The following CDK6 variants were observed in gnomAD, a reference collection of about 807,000 sequenced individuals.
CDK6 encodes the protein cyclin-dependent kinase 6.
A neutral mutation model predicts 37.1 loss-of-function variants in CDK6; 6 were observed. The observed-to-expected ratio is 0.16, with a 90% confidence interval of 0.09 to 0.32. CDK6 has a LOEUF of 0.32. Among genes scored for constraint, CDK6 ranks in the 10% least tolerant of loss-of-function variants. CDK6 has a pLI of 1.00. For missense variants in CDK6, 224 were observed against 418.9 expected (o/e 0.53, Z 4.06); for synonymous variants, 160 against 161.3 (o/e 0.99, Z 0.06).
At chr7:92,705,515 A>C (rs1797946626) in intron 4 of CDK6, among the ~76,000 whole-genome samples, 1 of 152,182 alleles carries the variant, frequency 6.6e-6, no homozygotes, top group Non-Finnish European at 1.5e-5. Context: ...CTAAGTAGAG[A>C]GTGAAAGGTT....
intron 2 of CDK6, among the ~76,000 whole-genome samples, chr7:92,830,407 T>C (rs1473725948): frequency 2.6e-5 from 4 of 152,224 alleles, no homozygotes; most frequent in African/African-American, 7.2e-5. Flanking sequence ...GGAGGGCCTA[T>C]AATTATGATC....
intron 3 of CDK6, among the ~76,000 whole-genome samples, chr7:92,766,807 G>A (rs866587484): frequency 1.3e-5 from 2 of 152,192 alleles, no homozygotes; most frequent in African/African-American, 4.8e-5. Context: ...TGCCTAGGGT[G>A]AGGAAGCATT....
intron 3 of CDK6, among the ~76,000 whole-genome samples, chr7:92,743,648 C>T (rs1419016143): frequency 6.6e-6 from 1 of 152,050 alleles, no homozygotes; most frequent in African/African-American, 2.4e-5. Context: ...AAATTAAAAG[C>T]ACAATAAGAT....
chr7:92,617,047 G>T (rs917889451), intron 7 of CDK6, among the ~76,000 whole-genome samples: 3 of 152,174 alleles, frequency 2.0e-5, no homozygotes, highest in African/African-American at 7.2e-5. Flanking sequence ...TATAAAATGA[G>T]CTTTTGGAAT....
intron 3 of CDK6, among the ~76,000 whole-genome samples, chr7:92,751,587 A>T (rs1799189006): frequency 6.6e-6 from 1 of 152,222 alleles, no homozygotes; most frequent in Non-Finnish European, 1.5e-5. Context: ...CAGTTTTATT[A>T]ACTTTTTGCA....
At chr7:92,639,876 T>C (rs1295957884) in intron 5 of CDK6, among the ~76,000 whole-genome samples, 1 of 152,194 alleles carries the variant, frequency 6.6e-6, no homozygotes, top group Non-Finnish European at 1.5e-5. Context: ...TCAGCCCAAC[T>C]GTCATCACTT....
chr7:92,687,128 C>T (rs776902671), intron 4 of CDK6, among the ~76,000 whole-genome samples: 28 of 152,156 alleles, frequency 1.8e-4, no homozygotes, highest in Non-Finnish European at 4.1e-4. Flanking sequence ...GAAGCAGGGC[C>T]TCGTGATACC....
chr7:92,795,675 G>C (rs567467796), intron 2 of CDK6, among the ~76,000 whole-genome samples: 1 of 152,042 alleles, frequency 6.6e-6, no homozygotes, highest in Non-Finnish European at 1.5e-5. Context: ...ACATTCAGTC[G>C]TGCTATTTCT....
chr7:92,736,311 A>T (rs1189496900), intron 3 of CDK6, among the ~76,000 whole-genome samples: 1 of 152,200 alleles, frequency 6.6e-6, no homozygotes, highest in African/African-American at 2.4e-5. Context: ...AGAACTATGA[A>T]GTCCCTACTA....
chr7:92,625,562 C>CAA (rs143150566), intron 5 of CDK6, among the ~76,000 whole-genome samples: 17 of 147,774 alleles, frequency 1.2e-4, no homozygotes, highest in African/African-American at 4.0e-4. Flanking sequence ...CAAAACAAAA[C>CAA]AAAAAAAACC....
intron 3 of CDK6, among the ~76,000 whole-genome samples, chr7:92,733,380 G>A (rs2115592937): frequency 6.6e-6 from 1 of 152,266 alleles, no homozygotes; most frequent in Admixed American, 6.5e-5. Flanking sequence ...TCACTAGGAT[G>A]CCCAGCTAAT....
intron 3 of CDK6, among the ~76,000 whole-genome samples, chr7:92,735,640 A>C (rs763152011): frequency 3.9e-5 from 6 of 152,252 alleles, no homozygotes; most frequent in Non-Finnish European, 8.8e-5. Flanking sequence ...AATGCAATGC[A>C]TCTTTATATT....
At chr7:92,780,773 AAAAAAACAAAAAAAC>A (rs1799969123) in intron 2 of CDK6, among the ~76,000 whole-genome samples, 1 of 151,382 alleles carries the variant, frequency 6.6e-6, no homozygotes, top group African/African-American at 2.4e-5. Context: ...CAAAAAAAAA[AAAAAAACAAAAAAAC>A]AAAAAACAAC....
intron 5 of CDK6, among the ~76,000 whole-genome samples, chr7:92,628,772 C>T (rs1795987073): frequency 1.3e-5 from 2 of 152,072 alleles, no homozygotes; most frequent in South Asian, 2.1e-4. Context: ...ACAATATCTG[C>T]CTGCAAATAA....
intron 2 of CDK6, 125 bp from the exon 3 acceptor site, chr7:92,774,956 T>C (rs528086880): frequency 1.2e-6 from 1 of 806,318 alleles, no homozygotes; most frequent in East Asian, 2.9e-5. Context: ...TCATTTCTTG[T>C]GATCATATGT....
chr7:92,659,636 C>A lies in CDK6; in HGVS notation c.647+11790G>T, dbSNP rs201539842. 5.3e-3 allele frequency among the ~76,000 whole-genome samples: 690 copies of A among 130,998 alleles called. 6 individuals carry two copies. The East Asian group carries it at 0.085, about 16-fold the overall frequency. The allele number at this position is 130,998 out of a possible 152,430, so 85.9% of individuals were successfully genotyped here. A position where few individuals can be genotyped will look rare whatever the true frequency, so the allele number is the denominator to read the frequency against. ...CACACACACACACACACACACACAC[C>A]ACACACACACACACTTTTGAATTCA... is the stretch of plus-strand genomic sequence containing the variant. On this transcript the variant is annotated intron_variant, in intron 5 of 7. Transcript: ENST00000424848.
chr7:92,676,120 TGTTGA>T (rs1031210398), intron 4 of CDK6, among the ~76,000 whole-genome samples: 40 of 152,088 alleles, frequency 2.6e-4, no homozygotes, highest in African/African-American at 8.7e-4. Flanking sequence ...TCTTTGTTGT[TGTTGA>T]GTTTTTTTTT....
At chr7:92,724,250 A>ACCGTGCTCAAAGCTGAGGCCTAGC (rs1271945030) in intron 4 of CDK6, among the ~76,000 whole-genome samples, 1 of 152,188 alleles carries the variant, frequency 6.6e-6, no homozygotes, top group Non-Finnish European at 1.5e-5. Context: ...GGCTTGCTTG[A>ACCGTGCTCAAAGCTGAGGCCTAGC]CCGTGCTCAA....
intron 5 of CDK6, among the ~76,000 whole-genome samples, chr7:92,659,419 T>C (rs1366413428): frequency 1.3e-5 from 2 of 152,166 alleles, no homozygotes; most frequent in East Asian, 3.8e-4. Flanking sequence ...GTAAAAAAAA[T>C]ATATTATTAA....
Sources: allele counts gnomAD v4.1 joint callset (sites outside exome capture counted in the v4.1 genomes callset), GRCh38; gene constraint gnomAD v4.1.1; transcripts MANE v1.5; gene names NCBI Gene and HGNC (gene_info 2026-07-23, HGNC 2026-07-21).